Variants in POU2AF2 observed in about 807,000 individuals in gnomAD.
POU2AF2 encodes the protein POU domain class 2-associating factor 2.
the POU2AF2 span, among the ~76,000 whole-genome samples, chr11:111,268,231 G>A: frequency 2.0e-5 from 3 of 152,112 alleles, no homozygotes; most frequent in East Asian, 1.9e-4. Context: ...GCTTTGGACC[G>A]AGGCATCCCG....
At chr11:111,279,274 C>T in the POU2AF2 span, among the ~76,000 whole-genome samples, 1 of 152,234 alleles carries the variant, frequency 6.6e-6, no homozygotes, top group Non-Finnish European at 1.5e-5. Flanking sequence ...GACCCTGCCA[C>T]TTCTCATACT....
the POU2AF2 span, among the ~76,000 whole-genome samples, chr11:111,276,453 A>AAAAAAAAAAAAAAAAAAT: frequency 1.9e-4 from 7 of 37,668 alleles, no homozygotes; most frequent in African/African-American, 5.8e-4. Flanking sequence ...AAAAAAAAAA[A>AAAAAAAAAAAAAAAAAAT]ATATATATAT....
chr11:111,284,914 C>T, the POU2AF2 span, among the ~76,000 whole-genome samples: 1 of 152,096 alleles, frequency 6.6e-6, no homozygotes, highest in Non-Finnish European at 1.5e-5. Flanking sequence ...ATTGCTAATG[C>T]TCATAGAGAA....
At chr11:111,264,679 GGA>G in the POU2AF2 span, among the ~76,000 whole-genome samples, 128 of 144,034 alleles carry the variant, frequency 8.9e-4, 2 homozygotes, top group Middle Eastern at 3.7e-3. Context: ...GAGGAAGGAA[GGA>G]GAGAGAAAGA....
the POU2AF2 span, among the ~76,000 whole-genome samples, chr11:111,268,603 G>A: frequency 4.7e-5 from 7 of 149,584 alleles, no homozygotes; most frequent in African/African-American, 1.5e-4. Flanking sequence ...GCATGATCTC[G>A]GCCCACTGCA....
At chr11:111,285,080 G>A in the POU2AF2 span, among the ~76,000 whole-genome samples, 1 of 152,186 alleles carries the variant, frequency 6.6e-6, no homozygotes, top group African/African-American at 2.4e-5. Flanking sequence ...ATTTATGAAA[G>A]TCCCATTTTA....
the POU2AF2 span, among the ~76,000 whole-genome samples, chr11:111,252,380 G>A: frequency 2.6e-3 from 391 of 152,218 alleles, 3 homozygotes; most frequent in African/African-American, 9.0e-3. Flanking sequence ...GAGTAGGGTC[G>A]GCGAATTTGC....
At chr11:111,259,235 G>A in the POU2AF2 span, among the ~76,000 whole-genome samples, 4 of 150,820 alleles carry the variant, frequency 2.7e-5, no homozygotes, top group African/African-American at 9.8e-5. Flanking sequence ...AGTGCATTGA[G>A]AACAAGAGAA....
the POU2AF2 span, among the ~76,000 whole-genome samples, chr11:111,271,152 G>A: frequency 3.9e-5 from 6 of 152,040 alleles, no homozygotes; most frequent in South Asian, 8.3e-4. Flanking sequence ...GTGAAACCCC[G>A]TCTCTACTAA....
the POU2AF2 span, among the ~76,000 whole-genome samples, chr11:111,276,453 A>AAAAAAATATATATAT: frequency 7.4e-4 from 28 of 37,622 alleles, no homozygotes; most frequent in Non-Finnish European, 9.0e-4. Flanking sequence ...AAAAAAAAAA[A>AAAAAAATATATATAT]ATATATATAT....
the POU2AF2 span, among the ~76,000 whole-genome samples, chr11:111,254,461 A>C: frequency 6.6e-6 from 1 of 152,206 alleles, no homozygotes; most frequent in Non-Finnish European, 1.5e-5. Context: ...GTTAGCTTTC[A>C]AGGAATTTTC....
chr11:111,260,372 T>C, the POU2AF2 span, among the ~76,000 whole-genome samples: 4 of 152,110 alleles, frequency 2.6e-5, no homozygotes, highest in Non-Finnish European at 4.4e-5. Context: ...CCATGCCAAA[T>C]CCCTGGGACC....
chr11:111,276,449 AAAAAATAT>A, the POU2AF2 span, among the ~76,000 whole-genome samples: 1 of 49,728 alleles, frequency 2.0e-5, no homozygotes, highest in Non-Finnish European at 3.9e-5. Context: ...GAAAAAAAAA[AAAAAATAT>A]ATATATATAT....
the POU2AF2 span, among the ~76,000 whole-genome samples, chr11:111,246,239 A>C: frequency 6.6e-6 from 1 of 152,232 alleles, no homozygotes; most frequent in Non-Finnish European, 1.5e-5. Flanking sequence ...CTATAGAGAA[A>C]GTGCAGAAGA....
the POU2AF2 span, among the ~76,000 whole-genome samples, chr11:111,264,616 GAA>G: frequency 0.2 from 24,627 of 123,218 alleles, 5,317 homozygotes; most frequent in South Asian, 0.3. Context: ...ACGAAAGAAA[GAA>G]AGAGAAGAAA....
At chr11:111,250,837 A>T in the POU2AF2 span, among the ~76,000 whole-genome samples, 1 of 152,204 alleles carries the variant, frequency 6.6e-6, no homozygotes, top group East Asian at 1.9e-4. Flanking sequence ...CAGCAGAGAC[A>T]GCCAGCGCAA....
At chr11:111,251,223 T>G in the POU2AF2 span, among the ~76,000 whole-genome samples, 1 of 152,152 alleles carries the variant, frequency 6.6e-6, no homozygotes, top group Admixed American at 6.5e-5. Flanking sequence ...ACTCTGGATG[T>G]ATTTTGTAGG....
the POU2AF2 span, among the ~76,000 whole-genome samples, chr11:111,257,811 G>A: frequency 3.3e-5 from 5 of 152,086 alleles, no homozygotes; most frequent in Admixed American, 1.3e-4. Context: ...GAATCACCTG[G>A]GGTGTGTGAT....
chr11:111,252,500 G>A, the POU2AF2 span, among the ~76,000 whole-genome samples: 1 of 151,808 alleles, frequency 6.6e-6, no homozygotes, highest in Non-Finnish European at 1.5e-5. Context: ...CCCCTGCCTG[G>A]TTCTGCCCAG....
Sources: gnomAD v4.1 joint callset for allele counts (sites outside exome capture counted in the v4.1 genomes callset) on GRCh38, gnomAD v4.1.1 for gene constraint, MANE v1.5 for transcripts, NCBI Gene and HGNC (gene_info 2026-07-23, HGNC 2026-07-21) for gene names.